TULP3: variants seen among roughly 807,000 people sequenced by gnomAD.
TULP3 encodes TUB like protein 3.
In TULP3, 38 loss-of-function variants were observed where a neutral mutation model predicts 50.7. The ratio of observed to expected loss-of-function variants is 0.75; its 90% CI spans 0.58 to 0.98. The LOEUF (loss-of-function observed/expected upper bound fraction) is 0.98. Ranked by LOEUF, TULP3 falls within the 50% of genes least tolerant of loss-of-function variation. The pLI is 0.00. For missense variants in TULP3, 550 were observed against 568.0 expected (o/e 0.97, Z 0.32); for synonymous variants, 183 against 196.6 (o/e 0.93, Z 0.58).
At chr12:2,910,669 GTCTTC>G (rs981166361) in intron 2 of TULP3, among the ~76,000 whole-genome samples, 19 of 152,274 alleles carry the variant, frequency 1.2e-4, no homozygotes, top group Admixed American at 2.6e-4. Flanking sequence ...CTAAAGTTTT[GTCTTC>G]TCTTCTTTAT....
intron 8 of TULP3, among the ~76,000 whole-genome samples, chr12:2,936,642 C>T (rs991270087): frequency 6.6e-6 from 1 of 151,110 alleles, no homozygotes; most frequent in Non-Finnish European, 1.5e-5. Context: ...ATCCCAGCTA[C>T]TCAGGCTGAG....
intron 5 of TULP3, 98 bp from the exon 6 acceptor site, chr12:2,930,939 G>A (rs1248093879): frequency 5.4e-6 from 7 of 1,305,808 alleles, no homozygotes; most frequent in African/African-American, 1.5e-5. Flanking sequence ...TGAAGACACG[G>A]GTAAATTACT....
At chr12:2,931,529 T>G (rs890701497) in intron 6 of TULP3, among the ~76,000 whole-genome samples, 1 of 152,238 alleles carries the variant, frequency 6.6e-6, no homozygotes, top group Non-Finnish European at 1.5e-5. Context: ...ATTGAGTTTT[T>G]GAATGTTACT....
intron 4 of TULP3, among the ~76,000 whole-genome samples, chr12:2,927,361 G>A (rs866664668): frequency 1.2e-5 from 1 of 80,862 alleles, no homozygotes; most frequent in Middle Eastern, 6.6e-3. Flanking sequence ...TTTCAGTTGA[G>A]ACTGATTTTT....
rs746001148 is a variant in TULP3 at position 2,940,191 on chromosome 12, C to G, written c.*747C>G. 1.2e-4 allele frequency: 158 copies of G among 1,317,724 alleles called. No individual in the cohort carries two copies. Among genetic ancestry groups the G allele is most frequent in the Admixed American group, 3.2e-4 (14 of 44,284 alleles). The allele number at this position is 1,317,724 out of a possible 1,614,324, so 81.6% of individuals were successfully genotyped here. On this transcript the variant is annotated 3_prime_UTR_variant, in exon 11 of 11. Transcript: ENST00000448120. ...TGTGATAATTGCCTTCATTTTCAAC[C>G]CAGGAGTGCCTCTCACAGCTATATG...
At chr12:2,906,207 T>C (rs2153948577) in intron 1 of TULP3, among the ~76,000 whole-genome samples, 1 of 150,806 alleles carries the variant, frequency 6.6e-6, no homozygotes, top group African/African-American at 2.4e-5. Flanking sequence ...ATTTTTTGTA[T>C]TTTTAGTACA....
At chr12:2,894,059 G>T (rs895537145) in intron 1 of TULP3, among the ~76,000 whole-genome samples, 1 of 152,124 alleles carries the variant, frequency 6.6e-6, no homozygotes, top group Non-Finnish European at 1.5e-5. Context: ...GATGACGGGG[G>T]TTGGCTGGTG....
At chr12:2,937,527 T>C in intron 8 of TULP3, 104 bp from the exon 9 acceptor site, 4 of 845,740 alleles carry the variant, frequency 4.7e-6, no homozygotes, top group Non-Finnish European at 7.8e-6. Context: ...ATACAGCTGA[T>C]ATTGTCAGCA....
intron 4 of TULP3, among the ~76,000 whole-genome samples, chr12:2,926,165 G>A (rs377408903): frequency 2.0e-5 from 3 of 152,154 alleles, no homozygotes; most frequent in Non-Finnish European, 2.9e-5. Context: ...ATAGCCATAC[G>A]ATAGTGATAT....
At chr12:2,932,754 G>C (rs1304626976) in intron 6 of TULP3, among the ~76,000 whole-genome samples, 4 of 151,942 alleles carry the variant, frequency 2.6e-5, no homozygotes, top group Non-Finnish European at 5.9e-5. Context: ...GGACTCCAGT[G>C]ATCCCTCTAC....
At chr12:2,909,678 A>C in intron 2 of TULP3, 98 bp downstream of exon 2, 1 of 1,268,980 alleles carries the variant, frequency 7.9e-7, no homozygotes, top group East Asian at 2.5e-5. Context: ...TATGGAAAGA[A>C]GACTGGAAAG....
chr12:2,911,392 G>A (rs1286058250), intron 2 of TULP3, among the ~76,000 whole-genome samples: 3 of 150,316 alleles, frequency 2.0e-5, no homozygotes, highest in Non-Finnish European at 4.4e-5. Context: ...TCACTCTGTC[G>A]CCCAGACTGG....
Position 2,938,260 on chromosome 12 carries a change from C to T in TULP3, c.1170C>T (p.Asn390=), listed in dbSNP as rs748498623. The stretch of plus-strand genomic sequence containing the variant: ...GGGTCACTCAGGCGTCTGTGAAGAA[C>T]TTCCAGATAGTCCACAAAAATGACC... The part of the protein sequence containing the change: ...RGRVTQASVK[N]FQIVHKNDPD... The change falls in exon 10 of 11, where the codon AAC becomes AAT. Residue 390 remains asparagine, a synonymous_variant. Coordinates refer to ENST00000448120, the MANE Select transcript of TULP3 (RefSeq NM_003324.5). The T allele has an allele frequency of 6.2e-7, 1 of 1,614,064 alleles. No homozygotes were observed. The highest frequency in any genetic ancestry group is 1.7e-5 in the Admixed American group (1 of 59,998).
chr12:2,927,366 A>ATTTTTTTTTTTTTTTTTTTTT (rs71057864), intron 4 of TULP3, among the ~76,000 whole-genome samples: 2 of 105,194 alleles, frequency 1.9e-5, no homozygotes, highest in South Asian at 3.3e-4. Flanking sequence ...GTTGAGACTG[A>ATTTTTTTTTTTTTTTTTTTTT]TTTTTTTTTT....
intron 4 of TULP3, among the ~76,000 whole-genome samples, chr12:2,929,020 G>GCCTTC (rs1252322242): frequency 2.6e-5 from 4 of 151,518 alleles, no homozygotes; most frequent in Admixed American, 6.6e-5. Context: ...TTTTACTGAA[G>GCCTTC]CCTTCCCTTC....
At position 2,940,127 on chromosome 12, in the gene TULP3, C is replaced by T; in HGVS notation, c.*683C>T. ...TCTTCATTTCAATTAAGGCTGAAAG[C>T]ATAAACTCTAGAGGTGACTCAGTCA... On this transcript the variant is annotated 3_prime_UTR_variant, in exon 11 of 11. Coordinates refer to ENST00000448120, the MANE Select transcript of TULP3 (RefSeq NM_003324.5). 1 of 1,293,560 alleles carries T rather than the reference C, an allele frequency of 7.7e-7. No homozygotes were observed. Among genetic ancestry groups the T allele is most frequent in the South Asian group, 1.2e-5 (1 of 81,036 alleles). 80.1% of individuals were successfully genotyped at this position (1,293,560 alleles called of 1,614,324 possible).
At chr12:2,937,133 A>G (rs1376221465) in intron 8 of TULP3, among the ~76,000 whole-genome samples, 1 of 147,914 alleles carries the variant, frequency 6.8e-6, no homozygotes, top group African/African-American at 2.5e-5. Flanking sequence ...ATAAAGAGAT[A>G]TAATATTACT....
chr12:2,930,548 C>T (rs1196180321), intron 5 of TULP3, among the ~76,000 whole-genome samples: 1 of 152,100 alleles, frequency 6.6e-6, no homozygotes, highest in Non-Finnish European at 1.5e-5. Flanking sequence ...CTCAATCTCC[C>T]GAGTAGCTGG....
intron 7 of TULP3, among the ~76,000 whole-genome samples, 190 bp from the exon 8 acceptor site, chr12:2,934,257 A>G (rs1292540152): frequency 1.3e-5 from 2 of 152,204 alleles, no homozygotes; most frequent in African/African-American, 4.8e-5. Flanking sequence ...TCGAATTAGT[A>G]AGTAAATAAA....
Sources: allele counts gnomAD v4.1 joint callset (sites outside exome capture counted in the v4.1 genomes callset), GRCh38; gene constraint gnomAD v4.1.1; transcripts MANE v1.5; gene names NCBI Gene and HGNC (gene_info 2026-07-23, HGNC 2026-07-21).